NTM: variants seen among roughly 807,000 people sequenced by gnomAD.
NTM encodes neurotrimin.
Under a neutral mutation model 42.1 loss-of-function variants are expected in NTM, and 13 were observed. The observed-to-expected ratio is 0.31, with a 90% CI of 0.20 to 0.49. The LOEUF (loss-of-function observed/expected upper bound fraction) is 0.49. Ranked by LOEUF, NTM falls within the 20% of genes least tolerant of loss-of-function variation. The pLI is 0.99. For synonymous variants in NTM, 187 were observed against 179.2 expected (o/e 1.04, Z -0.35); for missense variants, 373 against 452.8 (o/e 0.82, Z 1.60).
intron 2 of NTM, among the ~76,000 whole-genome samples, chr11:132,050,032 A>T (rs548835855): frequency 6.6e-6 from 1 of 152,248 alleles, no homozygotes; most frequent in African/African-American, 2.4e-5. Flanking sequence ...TTTCAGACTT[A>T]GGCTATCCCA....
chr11:131,414,630 G>T (rs1292907763), intron 1 of NTM, among the ~76,000 whole-genome samples: 1 of 152,182 alleles, frequency 6.6e-6, no homozygotes. Flanking sequence ...CCCATGCTCT[G>T]CCCTGGCTGT....
intron 4 of NTM, among the ~76,000 whole-genome samples, chr11:132,227,473 G>A (rs757960299): frequency 1.3e-5 from 2 of 152,088 alleles, no homozygotes; most frequent in Non-Finnish European, 2.9e-5. Context: ...AGTGGTTGGA[G>A]GAGAGTGTGA....
intron 1 of NTM, among the ~76,000 whole-genome samples, chr11:131,883,318 G>A (rs1439742464): frequency 6.6e-6 from 1 of 152,196 alleles, no homozygotes; most frequent in African/African-American, 2.4e-5. Context: ...ACGGGGAACT[G>A]GTGGGCTTCT....
In NTM at chr11:132,097,243, G is replaced by A. The variant is rs571358135; in HGVS notation, c.168-49039G>A. 1.4e-4 allele frequency among the ~76,000 whole-genome samples: 21 copies of A among 152,334 alleles called. No individual in the cohort carries two copies. The South Asian group carries it at 2.7e-3, about 20-fold the overall frequency. Reference sequence around the variant, plus strand: ...CGCAAGTGTTGTGTGTGTGGTGGTCGTGTCATTGCTAATGGTCCTTCCTAA... The same window carrying A: ...CGCAAGTGTTGTGTGTGTGGTGGTCATGTCATTGCTAATGGTCCTTCCTAA... On this transcript the variant is annotated intron_variant, in intron 2 of 8. Coordinates refer to ENST00000683400, the MANE Select transcript of NTM (RefSeq NM_001352005.2).
chr11:131,772,637 G>T (rs1393859266), intron 1 of NTM, among the ~76,000 whole-genome samples: 5 of 152,186 alleles, frequency 3.3e-5, no homozygotes, highest in Non-Finnish European at 5.9e-5. Context: ...GTCTCTAGAT[G>T]AAGATGTGGC....
chr11:131,419,716 A>G (rs555545286), intron 1 of NTM, among the ~76,000 whole-genome samples: 1 of 152,318 alleles, frequency 6.6e-6, no homozygotes, highest in East Asian at 1.9e-4. Context: ...TTTAAGTGCA[A>G]TGGCAAGACA....
chr11:132,247,602 G>A (rs2091365632), intron 4 of NTM, among the ~76,000 whole-genome samples: 1 of 152,120 alleles, frequency 6.6e-6, no homozygotes, highest in African/African-American at 2.4e-5. Flanking sequence ...CTATACTGGA[G>A]ATTCAGAAGG....
chr11:131,585,498 C>T lies in NTM; in HGVS notation c.82+214610C>T, dbSNP rs896554352. 3.3e-5 allele frequency among the ~76,000 whole-genome samples: 5 copies of T among 152,298 alleles called. No homozygotes were observed. The Middle Eastern group carries it at 0.01, about 311-fold the overall frequency. On this transcript the variant is annotated intron_variant, in intron 1 of 8. Coordinates refer to ENST00000683400, the MANE Select transcript of NTM (RefSeq NM_001352005.2). The stretch of plus-strand genomic sequence containing the variant: ...CAGGACTGAACTCCTCCTCTCTGCC[C>T]GCAGAGGGCGCCCAAGCCAACACCA...
intron 1 of NTM, among the ~76,000 whole-genome samples, chr11:131,661,420 C>A (rs563709401): frequency 6.6e-6 from 1 of 152,316 alleles, no homozygotes; most frequent in Non-Finnish European, 1.5e-5. Flanking sequence ...CTGACATGAT[C>A]AGGCAGTAAA....
intron 4 of NTM, among the ~76,000 whole-genome samples, chr11:132,271,348 G>A (rs2093466642): frequency 6.6e-6 from 1 of 152,080 alleles, no homozygotes; most frequent in Non-Finnish European, 1.5e-5. Context: ...GAGTAATACT[G>A]TTATGAACAT....
At chr11:131,442,336 C>G (rs529450375) in intron 1 of NTM, among the ~76,000 whole-genome samples, 1 of 152,272 alleles carries the variant, frequency 6.6e-6, no homozygotes, top group Non-Finnish European at 1.5e-5. Flanking sequence ...CATCATCCTC[C>G]TCATCGATGA....
intron 2 of NTM, among the ~76,000 whole-genome samples, chr11:132,070,070 G>A (rs1199695069): frequency 7.0e-6 from 1 of 143,242 alleles, no homozygotes; most frequent in South Asian, 2.2e-4. Flanking sequence ...ACACAGCCAA[G>A]TTAACACGTC....
intron 3 of NTM, among the ~76,000 whole-genome samples, chr11:132,176,100 A>G (rs964742190): frequency 3.9e-5 from 6 of 152,156 alleles, no homozygotes; most frequent in African/African-American, 1.4e-4. Context: ...ATTCTGTTTG[A>G]TCAAGTCACA....
intron 1 of NTM, among the ~76,000 whole-genome samples, chr11:131,714,907 T>C (rs1592676642): frequency 6.6e-6 from 1 of 152,348 alleles, no homozygotes; most frequent in Non-Finnish European, 1.5e-5. Context: ...CTATTTTACC[T>C]GGCAAATGCT....
intron 1 of NTM, among the ~76,000 whole-genome samples, chr11:131,685,920 C>T (rs761288457): frequency 7.2e-5 from 11 of 152,252 alleles, no homozygotes; most frequent in Non-Finnish European, 1.5e-4. Context: ...TGACATCCCA[C>T]AGCCTTGTCC....
At chr11:131,757,492 G>T (rs1039148159) in intron 1 of NTM, among the ~76,000 whole-genome samples, 9 of 152,198 alleles carry the variant, frequency 5.9e-5, no homozygotes, top group South Asian at 4.1e-4. Flanking sequence ...GCAAACATGA[G>T]TGAAAGAAGA....
intron 1 of NTM, among the ~76,000 whole-genome samples, chr11:131,519,182 G>A (rs931430937): frequency 2.7e-5 from 4 of 150,352 alleles, no homozygotes; most frequent in Non-Finnish European, 5.9e-5. Flanking sequence ...GAGAGCCAGG[G>A]GACATATCTC....
chr11:132,103,351 T>C (rs1009005070), intron 2 of NTM, among the ~76,000 whole-genome samples: 2 of 152,226 alleles, frequency 1.3e-5, no homozygotes, highest in Admixed American at 6.5e-5. Flanking sequence ...CCCTTTGCTA[T>C]TGCGCTGGCA....
At chr11:131,682,593 A>G (rs1048085241) in intron 1 of NTM, among the ~76,000 whole-genome samples, 1 of 152,216 alleles carries the variant, frequency 6.6e-6, no homozygotes, top group African/African-American at 2.4e-5. Context: ...AACCCTGCAA[A>G]GTAGAGGAGC....
Sources: gnomAD v4.1 joint callset for allele counts (sites outside exome capture counted in the v4.1 genomes callset) on GRCh38, gnomAD v4.1.1 for gene constraint, MANE v1.5 for transcripts, NCBI Gene and HGNC (gene_info 2026-07-23, HGNC 2026-07-21) for gene names.